The following PPM1H variants were observed in gnomAD, a reference collection of about 807,000 sequenced individuals.
PPM1H encodes protein phosphatase, Mg2+/Mn2+ dependent 1H.
Under a neutral mutation model 54.9 loss-of-function variants are expected in PPM1H, and 27 were observed. The ratio of observed to expected loss-of-function variants is 0.49; its 90% confidence interval spans 0.36 to 0.68. The LOEUF (loss-of-function observed/expected upper bound fraction) is 0.68. Among genes scored for constraint, PPM1H ranks in the 30% least tolerant of loss-of-function variants. The pLI, the probability that PPM1H is intolerant of heterozygous loss-of-function variation, is 0.00. For synonymous variants in PPM1H, 305 were observed against 270.8 expected (o/e 1.13, Z -1.24); for missense variants, 596 against 667.8 (o/e 0.89, Z 1.19).
chr12:62,758,109 T>C (rs1438577595), intron 4 of PPM1H, among the ~76,000 whole-genome samples: 2 of 152,224 alleles, frequency 1.3e-5, no homozygotes, highest in Admixed American at 1.3e-4. Context: ...TGTACCATAA[T>C]TACAATTACT....
intron 5 of PPM1H, among the ~76,000 whole-genome samples, chr12:62,736,173 T>C (rs1263637410): frequency 6.6e-6 from 1 of 152,194 alleles, no homozygotes; most frequent in African/African-American, 2.4e-5. Flanking sequence ...CGAATTCTAC[T>C]TGGAGGGATC....
intron 7 of PPM1H, among the ~76,000 whole-genome samples, chr12:62,690,154 A>G (rs777015743): frequency 4.6e-5 from 7 of 152,002 alleles, no homozygotes; most frequent in Non-Finnish European, 1.0e-4. Flanking sequence ...AGTTCATATC[A>G]AACCCAATAG....
At chr12:62,850,311 A>G (rs1252021759) in intron 1 of PPM1H, among the ~76,000 whole-genome samples, 2 of 152,074 alleles carry the variant, frequency 1.3e-5, no homozygotes, top group African/African-American at 4.8e-5. Context: ...ACATTTCAAA[A>G]CTTAATATAT....
At chr12:62,759,582 C>G (rs779785063) in intron 4 of PPM1H, among the ~76,000 whole-genome samples, 1 of 152,240 alleles carries the variant, frequency 6.6e-6, no homozygotes, top group Non-Finnish European at 1.5e-5. Context: ...GCGGGGACGC[C>G]TGCCTGATTA....
intron 9 of PPM1H, among the ~76,000 whole-genome samples, chr12:62,649,307 A>G (rs559199560): frequency 2.0e-4 from 30 of 151,808 alleles, no homozygotes; most frequent in African/African-American, 7.3e-4. Context: ...TGACCAATGT[A>G]AGTTCAGCAA....
chr12:62,819,727 T>C (rs1363497189), intron 2 of PPM1H, among the ~76,000 whole-genome samples: 1 of 152,114 alleles, frequency 6.6e-6, no homozygotes, highest in Non-Finnish European at 1.5e-5. Context: ...TTTACTTATA[T>C]GCAGATGAAA....
At chr12:62,680,337 G>A (rs1592539587) in intron 8 of PPM1H, among the ~76,000 whole-genome samples, 1 of 121,020 alleles carries the variant, frequency 8.3e-6, no homozygotes, top group Non-Finnish European at 1.6e-5. Context: ...CTTTCTTTCT[G>A]TTTCTTTCTT....
intron 1 of PPM1H, among the ~76,000 whole-genome samples, chr12:62,853,615 C>T (rs1381254725): frequency 2.0e-5 from 3 of 151,956 alleles, no homozygotes; most frequent in Admixed American, 1.3e-4. Flanking sequence ...TGGCCACTGT[C>T]GCAACTTTCC....
chr12:62,663,287 T>C (rs894513295), intron 9 of PPM1H, among the ~76,000 whole-genome samples: 6 of 152,028 alleles, frequency 3.9e-5, no homozygotes, highest in Admixed American at 2.0e-4. Flanking sequence ...GGTCCTACCA[T>C]TGGAGTTTTT....
chr12:62,746,826 C>G (rs1016771005), intron 4 of PPM1H, among the ~76,000 whole-genome samples: 2 of 150,784 alleles, frequency 1.3e-5, no homozygotes, highest in Non-Finnish European at 3.0e-5. Flanking sequence ...CTCATTCACA[C>G]CCCCCCACTT....
At chr12:62,737,361 G>A (rs1198101349) in intron 5 of PPM1H, 141 bp downstream of exon 5, 3 of 469,690 alleles carry the variant, frequency 6.4e-6, no homozygotes, top group Non-Finnish European at 1.1e-5. Context: ...TGATCCAGAA[G>A]GTGTGTGTGG....
chr12:62,927,951 G>A (rs1303227815), intron 1 of PPM1H, among the ~76,000 whole-genome samples: 2 of 152,128 alleles, frequency 1.3e-5, no homozygotes, highest in African/African-American at 2.4e-5. Flanking sequence ...AATGTTTTAA[G>A]TATTTCATTA....
intron 1 of PPM1H, among the ~76,000 whole-genome samples, chr12:62,924,857 C>A (rs1171690863): frequency 2.0e-5 from 3 of 152,042 alleles, no homozygotes; most frequent in Non-Finnish European, 4.4e-5. Context: ...GCCTAGCCAA[C>A]ATGGCAAAAC....
At chr12:62,768,838 C>T (rs2076561226) in intron 4 of PPM1H, among the ~76,000 whole-genome samples, 1 of 152,066 alleles carries the variant, frequency 6.6e-6, no homozygotes, top group Non-Finnish European at 1.5e-5. Context: ...AAGAAATCAG[C>T]ACATCCCTGA....
intron 4 of PPM1H, among the ~76,000 whole-genome samples, chr12:62,751,607 A>C (rs1373246926): frequency 6.6e-6 from 1 of 152,218 alleles, no homozygotes; most frequent in Non-Finnish European, 1.5e-5. Flanking sequence ...CATCCCTGGA[A>C]TTCTTTAAAA....
intron 9 of PPM1H, chr12:62,659,253 A>G (rs2075866481): frequency 2.1e-6 from 1 of 468,214 alleles, no homozygotes; most frequent in South Asian, 2.4e-5. Flanking sequence ...TGTGTTCTAA[A>G]AAACCGTAAA....
intron 1 of PPM1H, among the ~76,000 whole-genome samples, chr12:62,862,318 A>C (rs1488476852): frequency 6.6e-6 from 1 of 152,206 alleles, no homozygotes; most frequent in Non-Finnish European, 1.5e-5. Context: ...GCTGGAAAAC[A>C]AGGCCTTTGA....
chr12:62,669,210 AG>A (rs2136614758), intron 8 of PPM1H, among the ~76,000 whole-genome samples: 1 of 152,384 alleles, frequency 6.6e-6, no homozygotes, highest in African/African-American at 2.4e-5. Flanking sequence ...CCGGCAGACC[AG>A]AAAGTCCCAA....
chr12:62,831,979 G>T, intron 2 of PPM1H, 135 bp downstream of exon 2: 1 of 1,048,680 alleles, frequency 9.5e-7, no homozygotes, highest in Non-Finnish European at 1.4e-6. Context: ...CGATAGGCCC[G>T]CCACCCCACT....
Sources: gnomAD v4.1 joint callset for allele counts (sites outside exome capture counted in the v4.1 genomes callset) on GRCh38, gnomAD v4.1.1 for gene constraint, MANE v1.5 for transcripts, NCBI Gene and HGNC (gene_info 2026-07-23, HGNC 2026-07-21) for gene names.